Variants in SLC24A2 observed in about 807,000 individuals in gnomAD.
SLC24A2 encodes the protein solute carrier family 24 member 2.
A neutral mutation model predicts 62.0 loss-of-function variants in SLC24A2; 36 were observed. That is an observed-to-expected ratio of 0.58 (90% CI 0.44 to 0.77). The LOEUF is 0.77. Ranked by LOEUF, SLC24A2 falls within the 30% of genes least tolerant of loss-of-function variation. The pLI, the probability that SLC24A2 is intolerant of heterozygous loss-of-function variation, is 0.00. For missense variants in SLC24A2, 846 were observed against 817.9 expected (o/e 1.03, Z -0.42); for synonymous variants, 358 against 294.0 (o/e 1.22, Z -2.23).
chr9:19,757,715 C>G (rs753837439), intron 2 of SLC24A2, among the ~76,000 whole-genome samples: 4 of 152,142 alleles, frequency 2.6e-5, no homozygotes, highest in Non-Finnish European at 4.4e-5. Context: ...CACCAAAATT[C>G]ACGTTGAAAT....
At chr9:19,820,417 C>T in the SLC24A2 span, among the ~76,000 whole-genome samples, 4,430 of 149,988 alleles carry the variant, frequency 0.03, 74 homozygotes, top group African/African-American at 0.047. Flanking sequence ...ACCACCTGTA[C>T]CCCATAACTT....
chr9:20,281,254 A>G, the SLC24A2 span, among the ~76,000 whole-genome samples: 401 of 152,344 alleles, frequency 2.6e-3, 4 homozygotes, highest in African/African-American at 9.3e-3. Context: ...TTAAGAAACT[A>G]TAACTACAAC....
At chr9:19,544,241 G>T (rs1277894187) in intron 8 of SLC24A2, among the ~76,000 whole-genome samples, 3 of 139,244 alleles carry the variant, frequency 2.2e-5, no homozygotes, top group South Asian at 2.4e-4. Flanking sequence ...CGGAGACTAG[G>T]ATTGCAACCC....
intron 2 of SLC24A2, among the ~76,000 whole-genome samples, chr9:19,668,011 TA>T (rs1452460469): frequency 1.3e-5 from 2 of 152,188 alleles, no homozygotes; most frequent in Non-Finnish European, 2.9e-5. Context: ...ACTGTATTTT[TA>T]ATGTTTTAAT....
chr9:20,135,804 T>C, the SLC24A2 span, among the ~76,000 whole-genome samples: 6 of 152,264 alleles, frequency 3.9e-5, no homozygotes, highest in Admixed American at 1.3e-4. Flanking sequence ...AATATATTCA[T>C]ATATTTCGTG....
intron 5 of SLC24A2, among the ~76,000 whole-genome samples, chr9:19,589,686 A>G (rs1836493686): frequency 6.6e-6 from 1 of 152,178 alleles, no homozygotes; most frequent in Non-Finnish European, 1.5e-5. Context: ...GACTTTGGAT[A>G]TGAACTAGAT....
At chr9:20,251,756 C>T in the SLC24A2 span, among the ~76,000 whole-genome samples, 8 of 152,118 alleles carry the variant, frequency 5.3e-5, no homozygotes, top group Admixed American at 3.9e-4. Context: ...TAAGATGGTT[C>T]CAGGGATGGG....
the SLC24A2 span, among the ~76,000 whole-genome samples, chr9:19,924,595 C>T: frequency 3.3e-5 from 5 of 152,130 alleles, no homozygotes; most frequent in Admixed American, 1.3e-4. Flanking sequence ...AGTAAGGACC[C>T]CATGAGGGTG....
chr9:19,894,072 G>C, the SLC24A2 span, among the ~76,000 whole-genome samples: 12 of 152,184 alleles, frequency 7.9e-5, no homozygotes, highest in African/African-American at 2.7e-4. Flanking sequence ...AATCTATTCT[G>C]GGTGGCTACG....
chr9:19,865,835 A>G, the SLC24A2 span, among the ~76,000 whole-genome samples: 1 of 152,216 alleles, frequency 6.6e-6, no homozygotes, highest in Admixed American at 6.5e-5. Flanking sequence ...AACCAAAGCA[A>G]AAATGAACTT....
chr9:20,253,992 G>C, the SLC24A2 span, among the ~76,000 whole-genome samples: 1 of 152,192 alleles, frequency 6.6e-6, no homozygotes. Flanking sequence ...ATATGAGGTT[G>C]AAATAAAGAG....
chr9:19,589,325 T>C (rs1587002208), intron 5 of SLC24A2, among the ~76,000 whole-genome samples: 2 of 152,170 alleles, frequency 1.3e-5, no homozygotes, highest in African/African-American at 4.8e-5. Context: ...TGTGCTGATG[T>C]GGAAAGATCT....
At chr9:20,078,849 T>A in the SLC24A2 span, among the ~76,000 whole-genome samples, 13 of 152,160 alleles carry the variant, frequency 8.5e-5, no homozygotes, top group African/African-American at 2.9e-4. Context: ...AAAAGGGACA[T>A]AGATAAATAG....
chr9:19,934,109 G>A, the SLC24A2 span, among the ~76,000 whole-genome samples: 1 of 152,142 alleles, frequency 6.6e-6, no homozygotes, highest in Non-Finnish European at 1.5e-5. The surrounding 1 kb of genome is among the most constrained non-coding windows in gnomAD (Gnocchi z 4.1). Flanking sequence ...TTAAAAGGGC[G>A]AATTTTATAG....
At chr9:20,083,911 G>A in the SLC24A2 span, among the ~76,000 whole-genome samples, 1 of 152,164 alleles carries the variant, frequency 6.6e-6, no homozygotes, top group Non-Finnish European at 1.5e-5. Context: ...CTAGTTCGAT[G>A]TCGCTGTTAC....
chr9:20,168,036 A>G, the SLC24A2 span, among the ~76,000 whole-genome samples: 37 of 152,120 alleles, frequency 2.4e-4, no homozygotes, highest in Non-Finnish European at 5.2e-4. Context: ...CTGAAGTCCC[A>G]TAGGGTCATT....
the SLC24A2 span, among the ~76,000 whole-genome samples, chr9:20,044,823 A>G: frequency 6.6e-6 from 1 of 152,134 alleles, no homozygotes; most frequent in Non-Finnish European, 1.5e-5. Context: ...AGCTTCCATA[A>G]TACTCAGTGA....
chr9:19,557,131 C>T (rs1360667526), intron 7 of SLC24A2, among the ~76,000 whole-genome samples: 1 of 152,144 alleles, frequency 6.6e-6, no homozygotes, highest in Non-Finnish European at 1.5e-5. Flanking sequence ...CCCCTAAGTC[C>T]CAGCTTAAGG....
At chr9:19,790,507 C>T (rs1332523812), upstream of SLC24A2, among the ~76,000 whole-genome samples, 3 of 117,738 alleles carry the variant, frequency 2.5e-5, no homozygotes, top group East Asian at 7.1e-4. Context: ...TGTCACTGAC[C>T]AAAGACGGGC....
Sources: gnomAD v4.1 joint callset for allele counts (sites outside exome capture counted in the v4.1 genomes callset) on GRCh38, gnomAD v4.1.1 for gene constraint, Gnocchi (gnomAD v3.1) non-coding constraint, MANE v1.5 for transcripts, NCBI Gene and HGNC (gene_info 2026-07-23, HGNC 2026-07-21) for gene names.